C8orf34: variants seen among roughly 807,000 people sequenced by gnomAD.
C8orf34 encodes the protein chromosome 8 open reading frame 34.
In C8orf34, 65 loss-of-function variants were observed where a neutral mutation model predicts 68.3. The observed-to-expected ratio is 0.95, with a 90% CI of 0.78 to 1.17. The LOEUF is 1.17. Ranked by LOEUF, C8orf34 falls within the 50% of genes most tolerant of loss-of-function variation. C8orf34 has a pLI of 0.00. For missense variants in C8orf34, 664 were observed against 655.4 expected (o/e 1.01, Z -0.14); for synonymous variants, 244 against 241.2 (o/e 1.01, Z -0.11).
chr8:68,713,639 G>A (rs1361120327), intron 9 of C8orf34, among the ~76,000 whole-genome samples: 1 of 152,014 alleles, frequency 6.6e-6, no homozygotes. Context: ...CCCACAACAA[G>A]CAGTGAGATT....
chr8:68,384,238 G>A (rs1296109158), intron 1 of C8orf34, among the ~76,000 whole-genome samples: 4 of 152,200 alleles, frequency 2.6e-5, no homozygotes, highest in African/African-American at 9.7e-5. Flanking sequence ...AGTTTCAATA[G>A]GTTCCTTCGA....
intron 7 of C8orf34, among the ~76,000 whole-genome samples, chr8:68,603,215 T>G (rs969997469): frequency 2.0e-5 from 3 of 152,062 alleles, no homozygotes; most frequent in Non-Finnish European, 4.4e-5. Flanking sequence ...GGACCAAAAC[T>G]CTCATTGCTG....
chr8:68,602,411 G>A (rs1817725174), intron 7 of C8orf34, among the ~76,000 whole-genome samples: 2 of 152,168 alleles, frequency 1.3e-5, no homozygotes, highest in South Asian at 2.1e-4. Context: ...AGAAAGGGAA[G>A]CAAACACATC....
intron 4 of C8orf34, among the ~76,000 whole-genome samples, chr8:68,471,107 T>C (rs761284268): frequency 6.6e-6 from 1 of 152,062 alleles, no homozygotes; most frequent in Non-Finnish European, 1.5e-5. Context: ...TATATGTGAC[T>C]CCATAGTGAG....
intron 7 of C8orf34, among the ~76,000 whole-genome samples, chr8:68,537,326 T>A (rs961167173): frequency 5.3e-5 from 8 of 152,078 alleles, no homozygotes; most frequent in Non-Finnish European, 7.4e-5. Context: ...AAACTCTTTT[T>A]ATCTCTTTGT....
intron 10 of C8orf34, among the ~76,000 whole-genome samples, chr8:68,723,646 C>A (rs1335116666): frequency 6.6e-6 from 1 of 152,188 alleles, no homozygotes; most frequent in African/African-American, 2.4e-5. Context: ...TCATTCTTCA[C>A]TTTTTGCAAA....
intron 7 of C8orf34, among the ~76,000 whole-genome samples, chr8:68,556,715 A>T (rs1816267498): frequency 6.6e-6 from 1 of 152,118 alleles, no homozygotes; most frequent in South Asian, 2.1e-4. Flanking sequence ...ACCTTATGGC[A>T]TTTTAAGTTT....
rs115165662 is a variant in C8orf34, at chr8:68,665,510, C to T, written c.1241+24999C>T. Among the ~76,000 whole-genome samples the T allele has an allele frequency of 3.2e-3, 483 of 152,272 alleles. 4 individuals are homozygous for T. The highest frequency in any genetic ancestry group is 0.014 in the Middle Eastern group (4 of 294). Reference sequence around the variant, plus strand: ...CCACATTTACCAAGAGCACTGAATCCTGCTTAACTGACTGTAGGTGCTGAT... The same window carrying T: ...CCACATTTACCAAGAGCACTGAATCTTGCTTAACTGACTGTAGGTGCTGAT... On this transcript the variant is annotated intron_variant, in intron 8 of 13. Transcript: ENST00000518698.
At chr8:68,396,712 CAAAAAAAAAAA>C (rs56946858) in intron 1 of C8orf34, among the ~76,000 whole-genome samples, 5 of 18,700 alleles carry the variant, frequency 2.7e-4, no homozygotes, top group South Asian at 3.2e-3. Context: ...AGCTGCTTGT[CAAAAAAAAAAA>C]AAAAAAAAAA....
At chr8:68,559,193 G>A (rs6472407) in intron 7 of C8orf34, among the ~76,000 whole-genome samples, 31,805 of 152,114 alleles carry the variant, frequency 0.21, 4,279 homozygotes, top group African/African-American at 0.39. Context: ...GTCACTGATT[G>A]CAGGAATACA....
intron 8 of C8orf34, among the ~76,000 whole-genome samples, chr8:68,671,374 T>G (rs2130842001): frequency 6.6e-6 from 1 of 152,322 alleles, no homozygotes; most frequent in African/African-American, 2.4e-5. Flanking sequence ...TTGAAAATTG[T>G]GCTGGTGCCA....
At chr8:68,681,364 T>C (rs1477217917) in intron 8 of C8orf34, among the ~76,000 whole-genome samples, 2 of 152,222 alleles carry the variant, frequency 1.3e-5, no homozygotes, top group Non-Finnish European at 1.5e-5. Context: ...TCACAATTTA[T>C]GTTCCTCTGC....
rs537732428 is a variant in C8orf34 at position 68,710,526 on chromosome 8, C to T, written c.1327+1447C>T. ...TGCTGGCTTTCCCCCACTTCCTTGG[C>T]GACCTGTATGACTCAGCAGAGGCAG... On this transcript the variant is annotated intron_variant, in intron 9 of 13. Transcript: ENST00000518698. 1.5e-3 allele frequency among the ~76,000 whole-genome samples: 235 copies of T among 152,082 alleles called. 1 individual carries two copies. Among genetic ancestry groups the T allele is most frequent in the African/African-American group, 4.0e-3 (167 of 41,476 alleles).
At chr8:68,605,153 A>G (rs966324262) in intron 7 of C8orf34, among the ~76,000 whole-genome samples, 6 of 152,126 alleles carry the variant, frequency 3.9e-5, no homozygotes, top group African/African-American at 1.4e-4. Context: ...TAAAACAGCA[A>G]TGAGATGTTA....
chr8:68,692,210 G>A (rs1317465541), intron 8 of C8orf34, among the ~76,000 whole-genome samples: 2 of 151,980 alleles, frequency 1.3e-5, no homozygotes, highest in African/African-American at 4.8e-5. Context: ...CTACAAGGAG[G>A]CAGAGAAGAT....
chr8:68,392,202 T>G (rs2129620750), intron 1 of C8orf34, among the ~76,000 whole-genome samples: 1 of 152,100 alleles, frequency 6.6e-6, no homozygotes, highest in South Asian at 2.1e-4. Context: ...TTTAGGCCTT[T>G]AATAAATCTG....
Position 68,464,860 on chromosome 8 carries a change from T to C in C8orf34, c.608-3832T>C, listed in dbSNP as rs1436924798. On this transcript the variant is annotated intron_variant, in intron 3 of 13. Coordinates refer to ENST00000518698, the MANE Select transcript of C8orf34 (RefSeq NM_052958.4). ...ACCATAAAAACCCTAGAAGAAAACCTAGGCAATACCATTCAGGACATAGGC... is the reference window on the plus strand; with the variant it reads ...ACCATAAAAACCCTAGAAGAAAACCCAGGCAATACCATTCAGGACATAGGC... 6.6e-5 allele frequency among the ~76,000 whole-genome samples: 10 copies of C among 152,114 alleles called. No homozygotes were observed. In the East Asian group the frequency reaches 1.9e-3, roughly 29 times the overall value.
chr8:68,553,399 A>AC (rs1306297746), intron 7 of C8orf34, among the ~76,000 whole-genome samples: 22,600 of 147,478 alleles, frequency 0.15, 2,819 homozygotes, highest in African/African-American at 0.27. Context: ...AAAAAAAAAA[A>AC]AAAAAAAAAA....
intron 8 of C8orf34, 79 bp downstream of exon 8, chr8:68,640,590 C>G (rs1254521470): frequency 2.2e-6 from 3 of 1,373,986 alleles, no homozygotes; most frequent in Non-Finnish European, 3.0e-6. Flanking sequence ...AAAGATTGTA[C>G]TCTTCTGTGT....
Sources: gnomAD v4.1 joint callset for allele counts (sites outside exome capture counted in the v4.1 genomes callset) on GRCh38, gnomAD v4.1.1 for gene constraint, MANE v1.5 for transcripts, NCBI Gene and HGNC (gene_info 2026-07-23, HGNC 2026-07-21) for gene names.